Variants in ADARB2 observed in about 807,000 individuals in gnomAD.
ADARB2 encodes adenosine deaminase RNA specific B2 (inactive).
A neutral mutation model predicts 62.2 loss-of-function variants in ADARB2; 25 were observed. The observed-to-expected ratio is 0.40, with a 90% CI of 0.29 to 0.56. The LOEUF (loss-of-function observed/expected upper bound fraction) is 0.56. Among genes scored for constraint, ADARB2 ranks in the 20% least tolerant of loss-of-function variants. The pLI is 0.43. For missense variants in ADARB2, 1,071 were observed against 1,077.4 expected (o/e 0.99, Z 0.08); for synonymous variants, 572 against 500.8 (o/e 1.14, Z -1.90).
At chr10:1,327,497 C>T (rs867690619) in intron 3 of ADARB2, among the ~76,000 whole-genome samples, 2 of 80,578 alleles carry the variant, frequency 2.5e-5, no homozygotes, top group Admixed American at 1.1e-4. Flanking sequence ...CACAGCGCCT[C>T]CTCACTGCCC....
chr10:1,589,132 T>C (rs1007140365), intron 1 of ADARB2, among the ~76,000 whole-genome samples: 12 of 152,244 alleles, frequency 7.9e-5, no homozygotes, highest in African/African-American at 2.7e-4. Context: ...ATTATTTATG[T>C]GCACCGAATT....
At chr10:1,583,164 G>A (rs1833128883) in intron 1 of ADARB2, among the ~76,000 whole-genome samples, 1 of 151,332 alleles carries the variant, frequency 6.6e-6, no homozygotes, top group Admixed American at 6.6e-5. Context: ...GACCTATTCT[G>A]CCTCCACAGA....
chr10:1,252,243 T>C (rs1831043512), intron 4 of ADARB2, among the ~76,000 whole-genome samples: 1 of 152,172 alleles, frequency 6.6e-6, no homozygotes, highest in South Asian at 2.1e-4. Flanking sequence ...CCAAATAGCA[T>C]CAAAGAAATA....
intron 4 of ADARB2, among the ~76,000 whole-genome samples, chr10:1,264,040 G>T (rs1831169718): frequency 6.6e-6 from 1 of 151,970 alleles, no homozygotes; most frequent in South Asian, 2.1e-4. Context: ...TTGCCCATCA[G>T]CGCTCCTTAT....
intron 1 of ADARB2, among the ~76,000 whole-genome samples, chr10:1,673,311 T>TA (rs1834416320): frequency 9.1e-6 from 1 of 110,296 alleles, no homozygotes. Context: ...TAGATTTCAT[T>TA]TTATGTGTGT....
chr10:1,411,561 G>A (rs1682773558), intron 1 of ADARB2, among the ~76,000 whole-genome samples: 1 of 152,198 alleles, frequency 6.6e-6, no homozygotes, highest in South Asian at 2.1e-4. Context: ...GTATCCCTGG[G>A]CCAGGTTAGC....
rs756516358 is a variant in ADARB2, at chr10:1,499,833, CTCAT to C, written c.101-120677_101-120674del. ...CACATCACTCACTCATCACTTAACACTCATTCATTACTCATTGCTCACTCATCAT... is the reference window on the plus strand; with the variant it reads ...CACATCACTCACTCATCACTTAACACTCATTACTCATTGCTCACTCATCAT... On this transcript the variant is annotated intron_variant, in intron 1 of 9. Transcript: ENST00000381312. Among the ~76,000 whole-genome samples, 33 of 152,256 alleles carry C rather than the reference CTCAT, an allele frequency of 2.2e-4. 1 individual carries two copies. The highest frequency in any genetic ancestry group is 6.2e-4 in the South Asian group (3 of 4,818).
At chr10:1,658,491 G>C (rs1033299962) in intron 1 of ADARB2, among the ~76,000 whole-genome samples, 5 of 151,472 alleles carry the variant, frequency 3.3e-5, no homozygotes. Context: ...GATTCTGTCT[G>C]TCTCTTTTTC....
intron 3 of ADARB2, among the ~76,000 whole-genome samples, chr10:1,339,943 A>AG (rs1219608972): frequency 2.6e-5 from 4 of 151,548 alleles, no homozygotes; most frequent in African/African-American, 9.7e-5. Flanking sequence ...CCAGAGGGGC[A>AG]GGGGTGGGCT....
At chr10:1,671,801 G>C (rs1834388168) in intron 1 of ADARB2, among the ~76,000 whole-genome samples, 1 of 151,572 alleles carries the variant, frequency 6.6e-6, no homozygotes, top group Non-Finnish European at 1.5e-5. Flanking sequence ...ATCTGCCACA[G>C]ACACTGACAC....
At chr10:1,507,321 A>G (rs1301799904) in intron 1 of ADARB2, among the ~76,000 whole-genome samples, 1 of 152,218 alleles carries the variant, frequency 6.6e-6, no homozygotes, top group East Asian at 1.9e-4. Flanking sequence ...CCCTGGAGTC[A>G]GGAGGGAGCA....
intron 1 of ADARB2, among the ~76,000 whole-genome samples, chr10:1,698,653 G>A (rs781077511): frequency 3.3e-5 from 5 of 152,224 alleles, no homozygotes; most frequent in Non-Finnish European, 5.9e-5. Flanking sequence ...TCTGTGTGTT[G>A]TGTAAAAGGG....
At chr10:1,625,219 C>G (rs1274036237) in intron 1 of ADARB2, among the ~76,000 whole-genome samples, 2 of 152,222 alleles carry the variant, frequency 1.3e-5, no homozygotes, top group Non-Finnish European at 2.9e-5. Context: ...GGAGCAGAGG[C>G]TGCTCTCAGC....
chr10:1,723,444 C>T (rs981723917), intron 1 of ADARB2, among the ~76,000 whole-genome samples: 1 of 152,188 alleles, frequency 6.6e-6, no homozygotes, highest in South Asian at 2.1e-4. Context: ...TTGCTCTCAC[C>T]ATCTCGCTTT....
At chr10:1,303,249 G>A (rs572741615) in intron 3 of ADARB2, among the ~76,000 whole-genome samples, 5 of 152,196 alleles carry the variant, frequency 3.3e-5, no homozygotes, top group Non-Finnish European at 5.9e-5. Context: ...CTCAGGAGCC[G>A]ATGCGATCAA....
At chr10:1,198,854 C>T (rs1453463203) in intron 8 of ADARB2, among the ~76,000 whole-genome samples, 1 of 152,234 alleles carries the variant, frequency 6.6e-6, no homozygotes, top group African/African-American at 2.4e-5. Flanking sequence ...GGTGACATGC[C>T]AGTGCCCAGG....
chr10:1,607,633 G>A (rs930053774), intron 1 of ADARB2, among the ~76,000 whole-genome samples: 2 of 152,166 alleles, frequency 1.3e-5, no homozygotes, highest in Admixed American at 6.5e-5. Flanking sequence ...CTCCAGTAAA[G>A]TACGAGAGCT....
At chr10:1,674,129 C>G (rs1281928235) in intron 1 of ADARB2, among the ~76,000 whole-genome samples, 1 of 152,232 alleles carries the variant, frequency 6.6e-6, no homozygotes, top group Non-Finnish European at 1.5e-5. Flanking sequence ...CCCCGTCGGC[C>G]GGGGGCCCAG....
chr10:1,626,462 C>G (rs2119037370), intron 1 of ADARB2, among the ~76,000 whole-genome samples: 1 of 152,342 alleles, frequency 6.6e-6, no homozygotes, highest in South Asian at 2.1e-4. Context: ...GCCTCAGGCA[C>G]CTCTTGAACT....
Sources: allele counts gnomAD v4.1 joint callset (sites outside exome capture counted in the v4.1 genomes callset), GRCh38; gene constraint gnomAD v4.1.1; transcripts MANE v1.5; gene names NCBI Gene and HGNC (gene_info 2026-07-23, HGNC 2026-07-21).